RBPJ: variants seen among roughly 807,000 people sequenced by gnomAD.
The protein encoded by RBPJ is recombining binding protein suppressor of hairless.
Under a neutral mutation model 67.8 loss-of-function variants are expected in RBPJ, and 9 were observed. The observed-to-expected ratio is 0.13, with a 90% confidence interval of 0.08 to 0.23. RBPJ has a LOEUF of 0.23. Ranked by LOEUF, RBPJ falls within the 10% of genes least tolerant of loss-of-function variation. The pLI is 1.00. For synonymous variants in RBPJ, 198 were observed against 203.3 expected (o/e 0.97, Z 0.22); for missense variants, 305 against 595.6 (o/e 0.51, Z 5.08).
intron 1 of RBPJ, among the ~76,000 whole-genome samples, chr4:26,179,502 G>A (rs78320734): frequency 0.01 from 1,542 of 151,932 alleles, 29 homozygotes; most frequent in African/African-American, 0.035. Context: ...GTCCATTCAC[G>A]CAAGTACTTA....
chr4:26,153,925 G>A, the RBPJ span, among the ~76,000 whole-genome samples: 4 of 152,054 alleles, frequency 2.6e-5, no homozygotes, highest in Non-Finnish European at 5.9e-5. Context: ...TCCAGCCCCG[G>A]TGACAGAGTG....
chr4:26,254,841 C>CTTTT (rs1456152870), intron 1 of RBPJ, among the ~76,000 whole-genome samples: 1 of 24,482 alleles, frequency 4.1e-5, no homozygotes, highest in African/African-American at 1.3e-4. Context: ...CCATGCCCAG[C>CTTTT]TATTTTTTTT....
chr4:26,119,577 G>GC, the RBPJ span, among the ~76,000 whole-genome samples: 2 of 152,050 alleles, frequency 1.3e-5, no homozygotes, highest in African/African-American at 4.8e-5. Flanking sequence ...GAAGGCACTA[G>GC]CCCCCTCCTT....
upstream of RBPJ, among the ~76,000 whole-genome samples, chr4:26,319,117 A>G (rs1462919335): frequency 1.3e-5 from 2 of 152,034 alleles, no homozygotes; most frequent in Non-Finnish European, 2.9e-5. Context: ...GCATGACTCA[A>G]ACCCGACTCT....
the RBPJ span, among the ~76,000 whole-genome samples, chr4:26,155,844 A>G: frequency 8.5e-5 from 13 of 152,316 alleles, no homozygotes; most frequent in Admixed American, 1.3e-4. Context: ...GAGAAGTTTC[A>G]TTTCACTATT....
intron 1 of RBPJ, among the ~76,000 whole-genome samples, chr4:26,278,515 G>T (rs1721153887): frequency 6.6e-6 from 1 of 152,130 alleles, no homozygotes; most frequent in East Asian, 1.9e-4. Flanking sequence ...TTCAAAACAA[G>T]AATCATTTGA....
intron 1 of RBPJ, among the ~76,000 whole-genome samples, chr4:26,293,720 A>G (rs191114713): frequency 2.9e-5 from 4 of 137,868 alleles, no homozygotes; most frequent in Admixed American, 2.8e-4. Context: ...AAAACAATTC[A>G]GGAATGACAA....
intron 1 of RBPJ, among the ~76,000 whole-genome samples, chr4:26,209,536 CT>C (rs1718290637): frequency 1.3e-5 from 2 of 150,588 alleles, no homozygotes; most frequent in Non-Finnish European, 3.0e-5. Flanking sequence ...GACATCCTAT[CT>C]CCTTCCTTCC....
At chr4:26,181,520 G>A (rs1271226766) in intron 1 of RBPJ, among the ~76,000 whole-genome samples, 1 of 151,998 alleles carries the variant, frequency 6.6e-6, no homozygotes, top group African/African-American at 2.4e-5. Context: ...ATAGTCATGT[G>A]TCCCTTAATG....
chr4:26,292,378 G>T lies in RBPJ; in HGVS notation c.-166-70068G>T, dbSNP rs1035588342. On this transcript the variant is annotated intron_variant, in intron 1 of 4. Transcript: ENST00000512351. ...AATGGCCTCAAGTTGCATCCATGTT[G>T]TTGCAAATGGCAAAATTTCCTCACT... Among the ~76,000 whole-genome samples, 15 of 150,330 alleles carry T rather than the reference G, an allele frequency of 1.0e-4. 2 individuals are homozygous for T. Among genetic ancestry groups the T allele is most frequent in the African/African-American group, 3.7e-4 (15 of 40,862 alleles).
At chr4:26,303,758 A>G (rs1284725768) in intron 1 of RBPJ, among the ~76,000 whole-genome samples, 1 of 152,188 alleles carries the variant, frequency 6.6e-6, no homozygotes, top group Non-Finnish European at 1.5e-5. Flanking sequence ...AGCCTGGGCA[A>G]CATACTGAGA....
At chr4:26,157,102 AAC>A in the RBPJ span, among the ~76,000 whole-genome samples, 3 of 103,668 alleles carry the variant, frequency 2.9e-5, no homozygotes, top group Admixed American at 9.9e-5. Context: ...AACAAACAAA[AAC>A]AAACAAACAA....
chr4:26,374,110 T>C (rs1303290446), intron 1 of RBPJ, among the ~76,000 whole-genome samples: 1 of 151,994 alleles, frequency 6.6e-6, no homozygotes, highest in Non-Finnish European at 1.5e-5. Context: ...CAGCTAATTT[T>C]TGTATTTTTA....
intron 1 of RBPJ, among the ~76,000 whole-genome samples, chr4:26,358,643 G>T (rs1224085891): frequency 6.6e-6 from 1 of 151,428 alleles, no homozygotes; most frequent in East Asian, 1.9e-4. Flanking sequence ...AGTTAGTGGG[G>T]TACGTGGTGC....
intron 1 of RBPJ, among the ~76,000 whole-genome samples, chr4:26,210,686 C>CTTTCCTTCTTTCTTTCTTT (rs56289492): frequency 1.5e-5 from 1 of 65,396 alleles, no homozygotes. Context: ...TTCTTTCTTT[C>CTTTCCTTCTTTCTTTCTTT]CTTTCTTTCT....
At chr4:26,364,251 G>A (rs1321684432) in intron 1 of RBPJ, among the ~76,000 whole-genome samples, 1 of 152,182 alleles carries the variant, frequency 6.6e-6, no homozygotes, top group Non-Finnish European at 1.5e-5. Context: ...AGTTGTTAAA[G>A]TAAGATGAAA....
At chr4:26,116,030 T>C in the RBPJ span, among the ~76,000 whole-genome samples, 3 of 152,188 alleles carry the variant, frequency 2.0e-5, no homozygotes, top group African/African-American at 7.2e-5. Context: ...AATAAAACCA[T>C]ACCAAAGTTA....
At position 26,292,044 on chromosome 4, in the gene RBPJ, C is replaced by T. The variant is rs967826168; in HGVS notation, c.-166-70402C>T. On this transcript the variant is annotated intron_variant, in intron 1 of 4. Transcript: ENST00000512351. ...ATCAAGTTAGTTAACACATCCCTCA[C>T]GTCACACTTTTACTTTTTTTAATGT... is the stretch of plus-strand genomic sequence containing the variant. Among the ~76,000 whole-genome samples the T allele has an allele frequency of 7.3e-5, 11 of 150,642 alleles. 1 individual carries two copies. The highest frequency in any genetic ancestry group is 2.7e-4 in the African/African-American group (11 of 40,874).
intron 1 of RBPJ, among the ~76,000 whole-genome samples, chr4:26,364,560 G>A (rs1357349914): frequency 7.1e-6 from 1 of 141,674 alleles, no homozygotes; most frequent in Non-Finnish European, 1.5e-5. Flanking sequence ...GGTTTTTGAT[G>A]TACAGCTAGA....
Sources: allele counts gnomAD v4.1 joint callset (sites outside exome capture counted in the v4.1 genomes callset), GRCh38; gene constraint gnomAD v4.1.1; transcripts MANE v1.5; gene names NCBI Gene and HGNC (gene_info 2026-07-23, HGNC 2026-07-21).